The following SAMD4B variants were observed in gnomAD, a reference collection of about 807,000 sequenced individuals.
The protein encoded by SAMD4B is sterile alpha motif domain containing 4B.
A neutral mutation model predicts 74.5 loss-of-function variants in SAMD4B; 5 were observed. The ratio of observed to expected loss-of-function variants is 0.07; its 90% CI spans 0.04 to 0.14. SAMD4B has a LOEUF of 0.14. Ranked by LOEUF, SAMD4B falls within the 10% of genes least tolerant of loss-of-function variation. The probability of loss-of-function intolerance (pLI) is 1.00; values close to 1 mark genes in which losing one functional copy is unlikely to be tolerated. For missense variants in SAMD4B, 608 were observed against 921.8 expected, an observed-to-expected ratio of 0.66 and a Z score of 4.41; for synonymous variants, 373 against 374.9, an observed-to-expected ratio of 1.00 and a Z score of 0.06.
At chr19:39,386,178 T>A (rs1346257931), downstream of SAMD4B, 3 of 1,613,922 alleles carry the variant, frequency 1.9e-6, no homozygotes, top group Non-Finnish European at 2.5e-6. This position sits in a 1 kb window ranked among gnomAD's most constrained non-coding sequence, Gnocchi z 6.1. Flanking sequence ...CTGTCCTCTG[T>A]CCTCATCATC....
intron 3 of SAMD4B, among the ~76,000 whole-genome samples, chr19:39,363,645 C>T (rs1023810739): frequency 1.3e-4 from 20 of 152,238 alleles, no homozygotes; most frequent in African/African-American, 4.8e-4. Context: ...CCTTACAGTC[C>T]CCATTTACAG....
At chr19:39,381,208 T>G in intron 12 of SAMD4B, 95 bp downstream of exon 12, 2 of 1,423,208 alleles carry the variant, frequency 1.4e-6, no homozygotes, top group Non-Finnish European at 1.9e-6. Flanking sequence ...TCTTCTAGAC[T>G]GCATTGGCAC....
In SAMD4B at chr19:39,380,698, G is replaced by T. The variant is rs758163487; in HGVS notation, c.1761G>T (p.Arg587=). 1 of 1,612,702 alleles carries T rather than the reference G, an allele frequency of 6.2e-7. No individual in the cohort carries two copies. The highest frequency in any genetic ancestry group is 8.5e-7 in the Non-Finnish European group (1 of 1,179,580). ...CTCCCCGGGCCCTCCCACCCGGCCG[G>T]ATGGGCCTCCTGAGCCCCTCGGGCA... ...PMPPRALPPG[R]MGLLSPSGIG... is the part of the protein sequence containing the mutation. Residue 587 remains arginine (R), a synonymous_variant, in exon 11 of 14, where the codon CGG becomes CGT. Coordinates refer to ENST00000610417, the MANE Select transcript of SAMD4B (RefSeq NM_001384574.2).
At chr19:39,390,339 G>A (rs769952804), downstream of SAMD4B, 9 of 1,559,174 alleles carry the variant, frequency 5.8e-6, no homozygotes, top group Non-Finnish European at 7.0e-6. Context: ...GGGATTGACA[G>A]GAGAATGAAA....
At chr19:39,364,356 G>C (rs767028668) in intron 3 of SAMD4B, among the ~76,000 whole-genome samples, 1 of 152,114 alleles carries the variant, frequency 6.6e-6, no homozygotes, top group Non-Finnish European at 1.5e-5. Context: ...AGGCTGACTC[G>C]ACTACTGGAG....
At chr19:39,346,122 G>A (rs2145185058) in intron 1 of SAMD4B, among the ~76,000 whole-genome samples, 1 of 152,274 alleles carries the variant, frequency 6.6e-6, no homozygotes, top group Admixed American at 6.5e-5. Context: ...AGAGACCCCA[G>A]GGTAAATATT....
intron 1 of SAMD4B, among the ~76,000 whole-genome samples, chr19:39,349,292 G>A: frequency 6.6e-6 from 1 of 152,198 alleles, no homozygotes; most frequent in East Asian, 1.9e-4. Context: ...ATGCCTAAGT[G>A]AGAGAAAACA....
Position 39,369,766 on chromosome 19 carries a change from G to T in SAMD4B, c.308G>T (p.Arg103Met). 1 of 1,614,208 alleles carries T rather than the reference G, an allele frequency of 6.2e-7. No homozygotes were observed. The highest frequency in any genetic ancestry group is 8.5e-7 in the Non-Finnish European group (1 of 1,180,030). ...ACAGAGGCCAAGTCGGAGTACATGA[G>T]GCTACTGCAGAAAGTGCTGGCCTAC... ...GNTEAKSEYM[R>M]LLQKVLAYSI... Residue 103 changes from arginine (R) to methionine (M), a missense_variant, in exon 4 of 14, where the codon AGG becomes ATG. Around this residue, in one of 9 missense-constraint regions of SAMD4B, gnomAD observed 74 missense variants for 182.0 expected, o/e 0.41. Transcript: ENST00000610417.
the SAMD4B span, chr19:39,390,736 G>C: frequency 1.4e-6 from 2 of 1,427,806 alleles, no homozygotes; most frequent in East Asian, 2.5e-5. Flanking sequence ...GTCACGGGCA[G>C]ACCTGGGGGC....
chr19:39,375,161 A>G lies in SAMD4B; in HGVS notation c.668-489A>G, dbSNP rs1329229850. On this transcript the variant is annotated intron_variant, in intron 4 of 13. Coordinates refer to ENST00000610417, the MANE Select transcript of SAMD4B (RefSeq NM_001384574.2). The surrounding 1 kb of genome is among the most constrained non-coding windows in gnomAD (Gnocchi z 4.1). ...GGCAAAGGCTAGAGAGGCATGAACC[A>G]AGTGGTGGGTTGTGGGAGAGGAACA... Among the ~76,000 whole-genome samples the G allele has an allele frequency of 6.6e-6, 1 of 152,192 alleles. No individual in the cohort carries two copies. Among genetic ancestry groups the G allele is most frequent in the African/African-American group, 2.4e-5 (1 of 41,440 alleles).
At chr19:39,343,023 C>T (rs2075414363) in intron 1 of SAMD4B, among the ~76,000 whole-genome samples, 1 of 151,958 alleles carries the variant, frequency 6.6e-6, no homozygotes, top group Non-Finnish European at 1.5e-5. Flanking sequence ...CCTTTGGCCC[C>T]GAAGCCCCCG....
At chr19:39,360,029 C>T (rs1465010465) in intron 3 of SAMD4B, 1 of 151,742 alleles carries the variant, frequency 6.6e-6, no homozygotes, top group African/African-American at 2.4e-5. Flanking sequence ...ACTAAAAATA[C>T]AAAAAAATTA....
At chr19:39,390,711 T>C in the SAMD4B span, 6 of 1,195,278 alleles carry the variant, frequency 5.0e-6, no homozygotes, top group Non-Finnish European at 6.1e-6. Context: ...TCGTCAAAGG[T>C]GAGCGCTTCA....
intron 4 of SAMD4B, among the ~76,000 whole-genome samples, chr19:39,373,049 A>G (rs1397654451): frequency 3.3e-5 from 5 of 152,154 alleles, no homozygotes. Flanking sequence ...CTGAGGGAAG[A>G]TGCTCTGGGG....
chr19:39,346,253 A>G (rs1481083357), intron 1 of SAMD4B, among the ~76,000 whole-genome samples: 1 of 152,132 alleles, frequency 6.6e-6, no homozygotes, highest in Non-Finnish European at 1.5e-5. Context: ...TTTTATTTGG[A>G]AAGACTTCAC....
chr19:39,386,655 T>A, downstream of SAMD4B: 1 of 1,591,712 alleles, frequency 6.3e-7, no homozygotes, highest in Non-Finnish European at 8.6e-7. The surrounding 1 kb of genome is among the most constrained non-coding windows in gnomAD (Gnocchi z 6.1). Context: ...ACCACCACCC[T>A]CCCTGCCATG....
Position 39,385,292 on chromosome 19 carries a change from T to C in SAMD4B, c.*1765T>C, listed in dbSNP as rs1600601464. 2.7e-6 allele frequency: 1 copy of C among 368,388 alleles called. No homozygotes were observed. The highest frequency in any genetic ancestry group is 2.1e-5 in the African/African-American group (1 of 47,926). The allele number at this position is 368,388 out of a possible 1,614,324, so 22.8% of individuals were successfully genotyped here. ...CACCTCGTTTGGAATCAGCAGGGTG[T>C]CCCTCTCATGGGACCCTCCCCTCTC... On this transcript the variant is annotated 3_prime_UTR_variant, in exon 14 of 14. Transcript: ENST00000610417.
chr19:39,360,733 CT>C (rs1469197583), intron 3 of SAMD4B, among the ~76,000 whole-genome samples: 1 of 152,178 alleles, frequency 6.6e-6, no homozygotes, highest in Non-Finnish European at 1.5e-5. Flanking sequence ...TGTTCATACT[CT>C]TGTTTCTCCT....
At chr19:39,377,034 C>T (rs1218177710) in intron 7 of SAMD4B, among the ~76,000 whole-genome samples, 1 of 152,228 alleles carries the variant, frequency 6.6e-6, no homozygotes, top group Non-Finnish European at 1.5e-5. Flanking sequence ...TTTGACTCTA[C>T]ACCTTCTCTC....
Sources: allele counts gnomAD v4.1 joint callset (sites outside exome capture counted in the v4.1 genomes callset), GRCh38; gene constraint gnomAD v4.1.1; regional missense constraint gnomAD v4.1.1; non-coding constraint Gnocchi (gnomAD v3.1); transcripts MANE v1.5; gene names NCBI Gene and HGNC (gene_info 2026-07-23, HGNC 2026-07-21).